GLIS3: variants seen among roughly 807,000 people sequenced by gnomAD.
GLIS3 encodes zinc finger protein GLIS3.
GLIS3 carries 53 observed loss-of-function variants against 78.6 expected under a neutral mutation model. The ratio of observed to expected loss-of-function variants is 0.67; its 90% CI spans 0.54 to 0.85. The LOEUF (loss-of-function observed/expected upper bound fraction) is 0.85, where lower values mean the gene tolerates loss of function less well. GLIS3 is among the 40% of genes least tolerant of loss of function. The probability of loss-of-function intolerance (pLI) is 0.00; values close to 1 mark genes in which losing one functional copy is unlikely to be tolerated. For missense variants in GLIS3, 1,703 were observed against 1,231.1 expected, an observed-to-expected ratio of 1.38 and a Z score of -5.74; for synonymous variants, 684 against 509.9, an observed-to-expected ratio of 1.34 and a Z score of -4.60.
chr9:4,029,422 A>G (rs1823621952), intron 4 of GLIS3, among the ~76,000 whole-genome samples: 1 of 152,168 alleles, frequency 6.6e-6, no homozygotes, highest in Non-Finnish European at 1.5e-5. Context: ...AAAATGTGTT[A>G]TCCGTCCCCT....
the GLIS3 span, among the ~76,000 whole-genome samples, chr9:4,385,462 G>A: frequency 2.0e-5 from 3 of 152,044 alleles, no homozygotes; most frequent in South Asian, 2.1e-4. Context: ...TCAGGAGTCC[G>A]AGACCAGCTT....
At chr9:4,471,954 A>G in the GLIS3 span, among the ~76,000 whole-genome samples, 1 of 152,266 alleles carries the variant, frequency 6.6e-6, no homozygotes, top group Non-Finnish European at 1.5e-5. Context: ...AAGGATGTGA[A>G]CAGACACTTT....
At chr9:3,987,520 G>A (rs960698087) in intron 4 of GLIS3, among the ~76,000 whole-genome samples, 10 of 151,592 alleles carry the variant, frequency 6.6e-5, no homozygotes, top group Non-Finnish European at 1.3e-4. Flanking sequence ...TGGCCAACAT[G>A]GTGAAACCCT....
chr9:4,160,170 T>C (rs1835365350), intron 2 of GLIS3, among the ~76,000 whole-genome samples: 1 of 152,240 alleles, frequency 6.6e-6, no homozygotes, highest in Admixed American at 6.5e-5. Flanking sequence ...TTGCCTCCGC[T>C]ATTTCTTCCT....
chr9:4,182,438 T>C (rs1453533399), intron 2 of GLIS3, among the ~76,000 whole-genome samples: 2 of 152,168 alleles, frequency 1.3e-5, no homozygotes, highest in South Asian at 2.1e-4. Flanking sequence ...TGGAACACTA[T>C]GTATAGAAAA....
chr9:4,056,563 T>C (rs1270061290), intron 4 of GLIS3, among the ~76,000 whole-genome samples: 2 of 151,962 alleles, frequency 1.3e-5, no homozygotes, highest in African/African-American at 2.4e-5. Flanking sequence ...AGCCAGACTT[T>C]GGGAAGAAAG....
intron 6 of GLIS3, among the ~76,000 whole-genome samples, chr9:3,925,635 T>G (rs1289560428): frequency 6.6e-6 from 1 of 152,138 alleles, no homozygotes; most frequent in Non-Finnish European, 1.5e-5. Context: ...GCGATCACTG[T>G]GATGAGACGG....
intron 4 of GLIS3, among the ~76,000 whole-genome samples, chr9:3,939,761 A>C (rs1248069884): frequency 6.6e-6 from 1 of 151,970 alleles, no homozygotes; most frequent in Admixed American, 6.5e-5. Context: ...TGTATGAATA[A>C]AGGCAGAAGA....
intron 2 of GLIS3, among the ~76,000 whole-genome samples, chr9:4,318,221 T>C (rs1444371411): frequency 1.3e-5 from 2 of 152,124 alleles, no homozygotes; most frequent in Non-Finnish European, 2.9e-5. Context: ...AAGGAAGAGT[T>C]ATCTGGTGTT....
intron 7 of GLIS3, among the ~76,000 whole-genome samples, chr9:3,882,207 A>G (rs1821776665): frequency 6.9e-6 from 1 of 144,836 alleles, no homozygotes; most frequent in African/African-American, 2.6e-5. Context: ...GTAAACAAAG[A>G]TGAACAAGAT....
chr9:4,079,630 C>T (rs984364339), intron 4 of GLIS3, among the ~76,000 whole-genome samples: 12 of 152,102 alleles, frequency 7.9e-5, no homozygotes, highest in Non-Finnish European at 5.9e-5. Context: ...AAGCATGTCC[C>T]CAGTGCTGGG....
chr9:4,198,819 T>A (rs1819102936), intron 2 of GLIS3, among the ~76,000 whole-genome samples: 1 of 152,140 alleles, frequency 6.6e-6, no homozygotes, highest in Non-Finnish European at 1.5e-5. Context: ...GAGAAAAAGG[T>A]CAGGTCACAT....
chr9:3,996,744 T>A (rs374512541), intron 4 of GLIS3, among the ~76,000 whole-genome samples: 1 of 152,088 alleles, frequency 6.6e-6, no homozygotes, highest in East Asian at 1.9e-4. Flanking sequence ...AAGTCCAACA[T>A]TGGTTTTTTT....
At chr9:4,077,585 A>G (rs1248106860) in intron 4 of GLIS3, among the ~76,000 whole-genome samples, 2 of 152,248 alleles carry the variant, frequency 1.3e-5, no homozygotes, top group African/African-American at 4.8e-5. Context: ...AAGCTATTGC[A>G]TCTCAGCTTA....
At chr9:4,406,320 C>CT in the GLIS3 span, among the ~76,000 whole-genome samples, 6 of 152,106 alleles carry the variant, frequency 3.9e-5, no homozygotes, top group Non-Finnish European at 8.8e-5. Flanking sequence ...ATACATTGTT[C>CT]TTTTTTTCTT....
intron 2 of GLIS3, among the ~76,000 whole-genome samples, chr9:4,337,848 C>T (rs1817775556): frequency 3.9e-5 from 6 of 152,098 alleles, no homozygotes; most frequent in Admixed American, 3.9e-4. Flanking sequence ...CCTCACAAAA[C>T]TCTATGAGGC....
intron 4 of GLIS3, among the ~76,000 whole-genome samples, chr9:3,995,897 A>G (rs932084336): frequency 6.6e-6 from 1 of 152,160 alleles, no homozygotes; most frequent in African/African-American, 2.4e-5. Flanking sequence ...AACATTTTGA[A>G]AAAGAATGAA....
At chr9:4,483,288 G>C in the GLIS3 span, among the ~76,000 whole-genome samples, 2 of 152,274 alleles carry the variant, frequency 1.3e-5, no homozygotes, top group Non-Finnish European at 2.9e-5. Flanking sequence ...TGTATTTAGT[G>C]CCCAATGGAG....
At chr9:4,016,721 A>G (rs941684452) in intron 4 of GLIS3, among the ~76,000 whole-genome samples, 2 of 152,162 alleles carry the variant, frequency 1.3e-5, no homozygotes, top group African/African-American at 2.4e-5. Flanking sequence ...ACATGGATGC[A>G]CTAAATCACC....
Sources: gnomAD v4.1 joint callset for allele counts (sites outside exome capture counted in the v4.1 genomes callset) on GRCh38, gnomAD v4.1.1 for gene constraint, MANE v1.5 for transcripts, NCBI Gene and HGNC (gene_info 2026-07-23, HGNC 2026-07-21) for gene names.